TSEN34: variants seen among roughly 807,000 people sequenced by gnomAD.
The protein encoded by TSEN34 is tRNA splicing endonuclease subunit 34, also known as tRNA-splicing endonuclease subunit Sen34.
In TSEN34, 25 loss-of-function variants were observed where a neutral mutation model predicts 30.2. The observed-to-expected ratio is 0.83, with a 90% CI of 0.60 to 1.16. The LOEUF (loss-of-function observed/expected upper bound fraction) is 1.16. TSEN34 is among the 50% of genes most tolerant of loss of function. The pLI is 0.00. For synonymous variants in TSEN34, 209 were observed against 177.4 expected, an observed-to-expected ratio of 1.18 and a Z score of -1.41; for missense variants, 475 against 411.9, an observed-to-expected ratio of 1.15 and a Z score of -1.33.
At position 54,191,941 on chromosome 19, in the gene TSEN34, C is replaced by T; in HGVS notation, c.464C>T (p.Ala155Val). 2 of 1,614,098 alleles carry T rather than the reference C, an allele frequency of 1.2e-6. No individual in the cohort carries two copies. The highest frequency in any genetic ancestry group is 1.3e-5 in the African/African-American group (1 of 75,034). The change falls in exon 2 of 4, where the codon GCT becomes GTT. Residue 155 changes from alanine (A) to valine (V), a missense_variant. Physicochemically the swap from Ala to Val is moderately conservative, Grantham distance 64 (BLOSUM62 0). Coordinates refer to ENST00000396388, the MANE Select transcript of TSEN34 (RefSeq NM_001077446.4). ...AKEDETSDGQ[A>V]SGEQEEAGPS... Reference sequence around the variant, plus strand: ...GAGGATGAGACCAGTGATGGCCAGGCTTCGGGAGAGCAGGAGGAAGCTGGT... The same window carrying T: ...GAGGATGAGACCAGTGATGGCCAGGTTTCGGGAGAGCAGGAGGAAGCTGGT...
chr19:54,190,018 A>AC (rs959547189), upstream of TSEN34: 10 of 511,412 alleles, frequency 2.0e-5, no homozygotes, highest in African/African-American at 1.0e-4. Context: ...TTCGCCAGAC[A>AC]CCCATGAGTA....
chr19:54,192,312 G>A lies in TSEN34; in HGVS notation c.684G>A (p.Trp228Ter), dbSNP rs2076740083. ...ELRYSIYRDL[W>*]ERGFFLSAAG... ...GCTACAGTATCTACAGAGACCTGTG[G>A]GAGCGAGGCTTCTTCCTCAGTGCGG... The change falls in exon 3 of 4, where the codon TGG (tryptophan) becomes TGA (stop). Residue 228 changes from tryptophan to a stop codon, truncating the protein, a stop_gained. Coordinates refer to ENST00000396388, the MANE Select transcript of TSEN34 (RefSeq NM_001077446.4). LOFTEE classifies it high-confidence loss of function. The A allele has an allele frequency of 1.2e-6, 2 of 1,614,096 alleles. No individual in the cohort carries two copies. Among genetic ancestry groups the A allele is most frequent in the African/African-American group, 1.3e-5 (1 of 74,938 alleles).
chr19:54,193,485 G>C lies in TSEN34; in HGVS notation c.*123G>C. 1 of 1,552,898 alleles carries C rather than the reference G, an allele frequency of 6.4e-7. No homozygotes were observed. Among genetic ancestry groups the C allele is most frequent in the Non-Finnish European group, 8.7e-7 (1 of 1,148,640 alleles). ...TCTCCGCGGTTAGTTTTTGATTCCA[G>C]GTTTTCGAACACTACATCTTTTTTA... On this transcript the variant is annotated 3_prime_UTR_variant, in exon 4 of 4. Transcript: ENST00000396388.
At chr19:54,190,255 T>A (rs1453086074), upstream of TSEN34, 3 of 1,061,882 alleles carry the variant, frequency 2.8e-6, no homozygotes, top group Non-Finnish European at 4.2e-6. Context: ...CCCGCGGCGC[T>A]GATGGGGCGG....
chr19:54,190,265 G>T, upstream of TSEN34: 1 of 1,156,852 alleles, frequency 8.6e-7, no homozygotes, highest in Admixed American at 2.1e-5. Context: ...TGATGGGGCG[G>T]GATGACGAAG....
At chr19:54,190,787 G>A, upstream of TSEN34, 1 of 1,117,680 alleles carries the variant, frequency 8.9e-7, no homozygotes, top group African/African-American at 1.6e-5. Flanking sequence ...GTTTTGTACT[G>A]TGGGAGTCTG....
At position 54,191,712 on chromosome 19, in the gene TSEN34, G is replaced by C; in HGVS notation, c.244-9G>C. 3 of 1,613,900 alleles carry C rather than the reference G, an allele frequency of 1.9e-6. No individual in the cohort carries two copies. The highest frequency in any genetic ancestry group is 2.5e-6 in the Non-Finnish European group (3 of 1,180,036). On this transcript the variant is annotated splice_polypyrimidine_tract_variant and intron_variant, in intron 1 of 3. Transcript: ENST00000396388. ...AAGCTTGGAGGTTCCAGCGAAGTGT[G>C]CTTCTCAGGCCCTGACATCCTTCAA...
chr19:54,192,678 G>A (rs1052525713), intron 3 of TSEN34, among the ~76,000 whole-genome samples: 1 of 152,150 alleles, frequency 6.6e-6, no homozygotes, highest in African/African-American at 2.4e-5. Context: ...TTTATTAAAT[G>A]ATTACTGTGA....
chr19:54,193,324 G>A lies in TSEN34; in HGVS notation c.895G>A (p.Val299Met), dbSNP rs760620011. The A allele has an allele frequency of 1.2e-6, 2 of 1,614,188 alleles. No individual in the cohort carries two copies. Among genetic ancestry groups the A allele is most frequent in the South Asian group, 1.1e-5 (1 of 91,090 alleles). The change falls in exon 4 of 4, where the codon GTG (valine) becomes ATG (methionine). Residue 299 changes from valine to methionine, a missense_variant. By Grantham distance (21) the Val-to-Met change is conservative. Transcript: ENST00000396388. Reference protein sequence around the residue: ...LLCSPQPDGKVVYTSLQWASL... With the variant: ...LLCSPQPDGKMVYTSLQWASL... ...CTGTTCTCCGCAGCCTGATGGTAAG[G>A]TGGTCTACACCTCCCTGCAATGGGC...
At chr19:54,190,539 C>A (rs192748626), upstream of TSEN34, 16 of 1,259,944 alleles carry the variant, frequency 1.3e-5, no homozygotes, top group East Asian at 4.4e-4. Context: ...GGGAACTCCC[C>A]AACTGGGGTG....
At chr19:54,190,363 GT>G (rs775789564), upstream of TSEN34, 1 of 1,519,602 alleles carries the variant, frequency 6.6e-7, no homozygotes, top group East Asian at 2.6e-5. Flanking sequence ...GCGAATTACT[GT>G]TTATGAGGTG....
Position 54,193,538 on chromosome 19 carries a change from T to G in TSEN34, c.*176T>G. ...TTCTTCCTTGTTTCAAAGCACTTAT[T>G]GGCTGTGTTTTTGTAGTTACCTATT... On this transcript the variant is annotated 3_prime_UTR_variant, in exon 4 of 4. Transcript: ENST00000396388. The G allele has an allele frequency of 1.3e-6, 2 of 1,537,468 alleles. No homozygotes were observed. Among genetic ancestry groups the G allele is most frequent in the South Asian group, 1.2e-5 (1 of 83,974 alleles).
At chr19:54,191,662 G>C in intron 1 of TSEN34, 55 bp downstream of exon 1, 1 of 1,611,052 alleles carries the variant, frequency 6.2e-7, no homozygotes, top group East Asian at 2.2e-5. Flanking sequence ...TGGGAGTCAA[G>C]TTTCCTGGCT....
In TSEN34 at chr19:54,193,425, C is replaced by T; in HGVS notation, c.*63C>T. 1 of 1,606,990 alleles carries T rather than the reference C, an allele frequency of 6.2e-7. No homozygotes were observed. The highest frequency in any genetic ancestry group is 8.5e-7 in the Non-Finnish European group (1 of 1,176,926). ...AAGAGCCTTTCTGGATGTTCCCCAG[C>T]TCTTCTCTGGGAGTCTAGAACATCC... On this transcript the variant is annotated 3_prime_UTR_variant, in exon 4 of 4. Coordinates refer to ENST00000396388, the MANE Select transcript of TSEN34 (RefSeq NM_001077446.4).
upstream of TSEN34, chr19:54,190,374 G>A (rs2076619675): frequency 6.6e-7 from 1 of 1,511,828 alleles, no homozygotes; most frequent in African/African-American, 1.4e-5. Context: ...TTTATGAGGT[G>A]ACTCGCTGGT....
rs2076687474 is a variant in TSEN34 at position 54,191,415 on chromosome 19, G to A, written c.51G>A (p.Glu17=). The change falls in exon 1 of 4, where the codon GAG becomes GAA. Residue 17 remains glutamate, a synonymous_variant. Coordinates refer to ENST00000396388, the MANE Select transcript of TSEN34 (RefSeq NM_001077446.4). ...ANGRSLVWGA[E]AVQALRERLG... ...GCCGCTCCCTGGTGTGGGGAGCCGA[G>A]GCGGTGCAGGCCCTCCGGGAGCGCC... is the stretch of plus-strand genomic sequence containing the variant. 1 of 1,549,034 alleles carries A rather than the reference G, an allele frequency of 6.5e-7. No homozygotes were observed.
chr19:54,190,855 C>G, upstream of TSEN34: 1 of 1,048,512 alleles, frequency 9.5e-7, no homozygotes, highest in Non-Finnish European at 1.1e-6. Context: ...GGAGCGAAGG[C>G]TCGAGCGTCC....
chr19:54,192,151 G>GT lies in TSEN34; in HGVS notation c.524dup (p.Ala176SerfsTer32). 6.2e-7 allele frequency: 1 copy of GT among 1,614,190 alleles called. No individual in the cohort carries two copies. Among genetic ancestry groups the GT allele is most frequent in the Non-Finnish European group, 8.5e-7 (1 of 1,180,022 alleles). ...TTCCCAAGCAGGACCCTCAAATGGG[G>GT]TAGCCCCCTTGCCCAGATCTGCTCT... is the stretch of plus-strand genomic sequence containing the variant. On this transcript the variant is annotated frameshift_variant, in exon 3 of 4. Transcript: ENST00000396388. LOFTEE classifies it high-confidence loss of function.
Position 54,192,170 on chromosome 19 carries a change from C to A in TSEN34, c.542C>A (p.Ser181Tyr), listed in dbSNP as rs200436138. 8.4e-5 allele frequency: 136 copies of A among 1,614,236 alleles called. No homozygotes were observed. The African/African-American group carries it at 1.8e-3, about 21-fold the overall frequency. The change falls in exon 3 of 4, where the codon TCT becomes TAT. Residue 181 changes from serine to tyrosine, a missense_variant. Coordinates refer to ENST00000396388, the MANE Select transcript of TSEN34 (RefSeq NM_001077446.4). Reference sequence around the variant, plus strand: ...AATGGGGTAGCCCCCTTGCCCAGATCTGCTCTCCTTGTCCAGCTGGCCACT... The same window carrying A: ...AATGGGGTAGCCCCCTTGCCCAGATATGCTCTCCTTGTCCAGCTGGCCACT... ...PSNGVAPLPR[S>Y]ALLVQLATAR...
Sources: allele counts gnomAD v4.1 joint callset (sites outside exome capture counted in the v4.1 genomes callset), GRCh38; gene constraint gnomAD v4.1.1; transcripts MANE v1.5; gene names NCBI Gene and HGNC (gene_info 2026-07-23, HGNC 2026-07-21).